Variants in CAMK1D observed in about 807,000 individuals in gnomAD.
CAMK1D encodes calcium/calmodulin-dependent protein kinase type 1D.
Under a neutral mutation model 47.7 loss-of-function variants are expected in CAMK1D, and 9 were observed. The observed-to-expected ratio is 0.19, with a 90% CI of 0.11 to 0.33. CAMK1D has a LOEUF of 0.33. CAMK1D is among the 10% of genes least tolerant of loss of function. CAMK1D has a pLI of 1.00. For missense variants in CAMK1D, 291 were observed against 488.7 expected, an observed-to-expected ratio of 0.60 and a Z score of 3.81; for synonymous variants, 184 against 184.9, an observed-to-expected ratio of 0.99 and a Z score of 0.04.
chr10:12,749,889 C>T lies in CAMK1D; in HGVS notation c.300-11059C>T, dbSNP rs988492544. On this transcript the variant is annotated intron_variant, in intron 3 of 10. Coordinates refer to ENST00000619168, the MANE Select transcript of CAMK1D (RefSeq NM_153498.4). The stretch of plus-strand genomic sequence containing the variant: ...GATGACAAGTGTGAGCCACTGTGTC[C>T]GGCCAGAAAGTGTGTTTTAAAAGCT... Among the ~76,000 whole-genome samples the T allele has an allele frequency of 4.6e-5, 7 of 152,124 alleles. No homozygotes were observed. The East Asian group carries it at 5.8e-4, about 13-fold the overall frequency.
chr10:12,450,691 A>G (rs1298354731), intron 1 of CAMK1D, among the ~76,000 whole-genome samples: 2 of 152,306 alleles, frequency 1.3e-5, no homozygotes, highest in East Asian at 1.9e-4. Context: ...TCTAGTCTCC[A>G]TAAATGTTCC....
At chr10:12,777,788 A>G (rs1452802005) in intron 5 of CAMK1D, among the ~76,000 whole-genome samples, 1 of 152,260 alleles carries the variant, frequency 6.6e-6, no homozygotes, top group African/African-American at 2.4e-5. Context: ...GGCTCGCCCC[A>G]GCCACTCACC....
chr10:12,595,224 C>T (rs1238460112), intron 2 of CAMK1D, among the ~76,000 whole-genome samples: 1 of 150,918 alleles, frequency 6.6e-6, no homozygotes, highest in Non-Finnish European at 1.5e-5. Context: ...TGCCTTCAAT[C>T]CCAGCTACTC....
chr10:12,754,248 C>T (rs1836129388), intron 3 of CAMK1D, among the ~76,000 whole-genome samples: 1 of 152,132 alleles, frequency 6.6e-6, no homozygotes, highest in Non-Finnish European at 1.5e-5. Context: ...CCAGGAGTCC[C>T]TTCTGGGTGC....
intron 1 of CAMK1D, among the ~76,000 whole-genome samples, chr10:12,538,561 A>G (rs777211770): frequency 1.4e-4 from 21 of 152,186 alleles, no homozygotes; most frequent in Non-Finnish European, 2.8e-4. Flanking sequence ...TATGGTTTAG[A>G]TACATTTCCA....
At chr10:12,604,183 C>G (rs1434156077) in intron 2 of CAMK1D, among the ~76,000 whole-genome samples, 1 of 152,184 alleles carries the variant, frequency 6.6e-6, no homozygotes, top group African/African-American at 2.4e-5. Flanking sequence ...TCTTATGTAT[C>G]TCTGTAATTC....
chr10:12,615,905 G>T (rs1297017414), intron 2 of CAMK1D, among the ~76,000 whole-genome samples: 1 of 151,164 alleles, frequency 6.6e-6, no homozygotes, highest in Non-Finnish European at 1.5e-5. Flanking sequence ...AGCATGTGCT[G>T]GTGTGTGTAT....
intron 5 of CAMK1D, among the ~76,000 whole-genome samples, chr10:12,784,492 C>T (rs987937424): frequency 2.6e-5 from 4 of 151,446 alleles, no homozygotes; most frequent in East Asian, 2.0e-4. Flanking sequence ...GCCACCGTGC[C>T]GGCCAGAGAA....
In CAMK1D at chr10:12,526,096, C is replaced by G. The variant is rs576992532; in HGVS notation, c.93-27129C>G. Among the ~76,000 whole-genome samples the G allele has an allele frequency of 2.0e-5, 3 of 152,332 alleles. No individual in the cohort carries two copies. In the South Asian group the frequency reaches 6.2e-4, roughly 32 times the overall value. On this transcript the variant is annotated intron_variant, in intron 1 of 10. Transcript: ENST00000619168. ...ATTTTGAACATTATGTTGTGAGATT[C>G]TGAATCCTGTTAAAATCTGCTGGAA...
chr10:12,620,032 TGATAACTGAGAA>T (rs1174355832), intron 2 of CAMK1D, among the ~76,000 whole-genome samples: 1 of 152,094 alleles, frequency 6.6e-6, no homozygotes, highest in East Asian at 1.9e-4. Context: ...TTGTTCTATT[TGATAACTGAGAA>T]GTATTTCACA....
chr10:12,595,910 A>C (rs1177085728), intron 2 of CAMK1D, among the ~76,000 whole-genome samples: 1 of 152,126 alleles, frequency 6.6e-6, no homozygotes, highest in East Asian at 1.9e-4. Context: ...TCCTACTATG[A>C]GTAGCAGCTT....
intron 1 of CAMK1D, among the ~76,000 whole-genome samples, chr10:12,428,862 C>T (rs1266353342): frequency 1.3e-5 from 2 of 152,176 alleles, no homozygotes; most frequent in Non-Finnish European, 2.9e-5. Flanking sequence ...ATAGAGCTGC[C>T]TCGCCACTGT....
rs143347611 is a variant in CAMK1D, at chr10:12,666,302, T to C, written c.225-434T>C. 4.1e-3 allele frequency among the ~76,000 whole-genome samples: 618 copies of C among 152,228 alleles called. 5 individuals are homozygous for C. Among genetic ancestry groups the C allele is most frequent in the Middle Eastern group, 0.034 (10 of 294 alleles). On this transcript the variant is annotated intron_variant, in intron 2 of 10. Transcript: ENST00000619168. ...ATATTCTCCAGTGTCTCACCAGGTCTCCCTGCTCCCTGACATATGCCTGTC... is the reference window on the plus strand; with the variant it reads ...ATATTCTCCAGTGTCTCACCAGGTCCCCCTGCTCCCTGACATATGCCTGTC...
At chr10:12,696,406 G>A (rs1016792138) in intron 3 of CAMK1D, among the ~76,000 whole-genome samples, 6 of 152,024 alleles carry the variant, frequency 3.9e-5, no homozygotes, top group East Asian at 1.9e-4. Context: ...GCATGGTGGC[G>A]TGCACCTGTA....
chr10:12,465,601 C>G (rs1489212681), intron 1 of CAMK1D, among the ~76,000 whole-genome samples: 1 of 152,212 alleles, frequency 6.6e-6, no homozygotes, highest in Non-Finnish European at 1.5e-5. Context: ...GTGATCCACC[C>G]ACCTTGGCCT....
At chr10:12,624,735 A>C (rs1237264580) in intron 2 of CAMK1D, among the ~76,000 whole-genome samples, 2 of 152,126 alleles carry the variant, frequency 1.3e-5, no homozygotes, top group Non-Finnish European at 2.9e-5. Flanking sequence ...AATACATTTC[A>C]TTTTGATCCA....
intron 1 of CAMK1D, among the ~76,000 whole-genome samples, chr10:12,374,880 T>C (rs559111966): frequency 3.0e-4 from 45 of 148,564 alleles, no homozygotes; most frequent in African/African-American, 1.0e-3. Flanking sequence ...GAGGCGGAAG[T>C]TGTAGTGGGC....
chr10:12,426,404 G>A (rs1840230595), intron 1 of CAMK1D, among the ~76,000 whole-genome samples: 1 of 152,164 alleles, frequency 6.6e-6, no homozygotes, highest in Admixed American at 6.5e-5. Context: ...GCGCCACCAT[G>A]CCCGGCTAAT....
chr10:12,368,208 A>AAT (rs1307034383), intron 1 of CAMK1D, among the ~76,000 whole-genome samples: 2 of 149,900 alleles, frequency 1.3e-5, no homozygotes, highest in African/African-American at 4.9e-5. Context: ...CAAAAAAAAA[A>AAT]AAAAAATAAA....
Sources: allele counts gnomAD v4.1 joint callset (sites outside exome capture counted in the v4.1 genomes callset), GRCh38; gene constraint gnomAD v4.1.1; transcripts MANE v1.5; gene names NCBI Gene and HGNC (gene_info 2026-07-23, HGNC 2026-07-21).